Variants in RRAGB observed in about 807,000 individuals in gnomAD.
The protein encoded by RRAGB is ras-related GTP-binding protein B.
RRAGB carries 6 observed loss-of-function variants against 29.3 expected under a neutral mutation model. The observed-to-expected ratio is 0.21, with a 90% CI of 0.11 to 0.40. The LOEUF is 0.40. RRAGB is among the 10% of genes least tolerant of loss of function. The probability of loss-of-function intolerance (pLI) is 1.00; values close to 1 mark genes in which losing one functional copy is unlikely to be tolerated. For missense variants in RRAGB, 184 were observed against 272.9 expected (o/e 0.67, Z 2.29); for synonymous variants, 101 against 92.5 (o/e 1.09, Z -0.53).
chrX:55,754,331 A>G (rs1254935580), intron 7 of RRAGB, among the ~76,000 whole-genome samples: 3 of 112,938 alleles, frequency 2.7e-5, no homozygotes, highest in African/African-American at 9.6e-5. Context: ...ATTAGAGCCT[A>G]TTGTTTGTAT....
At chrX:55,740,729 C>T (rs1372494347) in intron 5 of RRAGB, among the ~76,000 whole-genome samples, 1 of 111,475 alleles carries the variant, frequency 9.0e-6, no homozygotes, top group African/African-American at 3.3e-5. Flanking sequence ...TGGCTGCAGG[C>T]GTTGCAGTTT....
At chrX:55,723,703 T>C (rs1403001424) in intron 3 of RRAGB, among the ~76,000 whole-genome samples, 1 of 110,479 alleles carries the variant, frequency 9.1e-6, no homozygotes, top group Non-Finnish European at 1.9e-5. Flanking sequence ...ACTACAGGTG[T>C]GTACCACCAC....
At chrX:55,719,550 A>G (rs2033184515) in intron 2 of RRAGB, among the ~76,000 whole-genome samples, 1 of 111,859 alleles carries the variant, frequency 8.9e-6, no homozygotes, top group Non-Finnish European at 1.9e-5. Flanking sequence ...ATACTTAAGA[A>G]CCTTTAGTAA....
rs912706975 is a variant in RRAGB, at chrX:55,718,261, AAAC to A, written c.-55_-53del. On this transcript the variant is annotated 5_prime_UTR_variant, in exon 1 of 10. Transcript: ENST00000374941. ...TTGAGGGGTGAAAAAGAAAACAAAC[AAAC>A]AACAACAACAAACCCTGAAGAGTAC... 4.9e-5 allele frequency: 43 copies of A among 879,782 alleles called. No homozygotes were observed. Among genetic ancestry groups the A allele is most frequent in the African/African-American group, 3.8e-4 (19 of 49,954 alleles). 72.5% of individuals were successfully genotyped at this position (879,782 alleles called of 1,213,427 possible).
intron 5 of RRAGB, among the ~76,000 whole-genome samples, 194 bp from the exon 6 acceptor site, chrX:55,750,907 G>T (rs756012716): frequency 8.9e-6 from 1 of 111,975 alleles, no homozygotes; most frequent in South Asian, 3.7e-4. Context: ...TAGGCCTGAA[G>T]AATTCTAACT....
At chrX:55,735,326 G>A (rs951729203) in intron 5 of RRAGB, among the ~76,000 whole-genome samples, 1 of 111,606 alleles carries the variant, frequency 9.0e-6, no homozygotes, top group Non-Finnish European at 1.9e-5. Flanking sequence ...ATAAATTTTG[G>A]GTTGTTATAT....
intron 5 of RRAGB, among the ~76,000 whole-genome samples, chrX:55,748,740 G>A (rs1311593325): frequency 1.8e-5 from 2 of 111,525 alleles, no homozygotes. Context: ...AGGGAGGTGG[G>A]GGTCAGCCCC....
At chrX:55,730,770 G>A (rs1406400492) in intron 4 of RRAGB, among the ~76,000 whole-genome samples, 1 of 111,466 alleles carries the variant, frequency 9.0e-6, no homozygotes, top group Non-Finnish European at 1.9e-5. Context: ...TGCTGTCTAG[G>A]GAAGTGAATG....
chrX:55,727,687 G>A (rs919333783), intron 3 of RRAGB, among the ~76,000 whole-genome samples: 3 of 112,000 alleles, frequency 2.7e-5, no homozygotes, highest in African/African-American at 9.7e-5. Context: ...TGCTGCTTGT[G>A]ATGTAGTTTA....
At chrX:55,748,459 CG>C (rs1325314155) in intron 5 of RRAGB, among the ~76,000 whole-genome samples, 6 of 106,895 alleles carry the variant, frequency 5.6e-5, no homozygotes, top group Non-Finnish European at 9.7e-5. Flanking sequence ...ATCTAGGAAG[CG>C]AGGAGAGTCT....
At chrX:55,730,593 C>T (rs1033419352) in intron 4 of RRAGB, among the ~76,000 whole-genome samples, 6 of 111,883 alleles carry the variant, frequency 5.4e-5, no homozygotes, top group African/African-American at 1.9e-4. Flanking sequence ...CAGCACTTAG[C>T]CTAACGAGCA....
chrX:55,732,416 AG>A (rs1569240678), intron 5 of RRAGB, among the ~76,000 whole-genome samples: 1 of 112,127 alleles, frequency 8.9e-6, no homozygotes, highest in Non-Finnish European at 1.9e-5. Flanking sequence ...TAAGGAAAGC[AG>A]TTTTAGGATA....
chrX:55,729,594 T>A (rs2033603155), intron 4 of RRAGB, among the ~76,000 whole-genome samples: 1 of 111,706 alleles, frequency 9.0e-6, no homozygotes, highest in African/African-American at 3.3e-5. Flanking sequence ...TAGGTATCTG[T>A]AGTTTGGGAT....
chrX:55,723,457 T>C (rs1198120132), intron 3 of RRAGB, among the ~76,000 whole-genome samples: 2 of 110,392 alleles, frequency 1.8e-5, no homozygotes, highest in Non-Finnish European at 3.8e-5. Context: ...CTTTTTTTTT[T>C]TTTCTGTTAG....
intron 6 of RRAGB, chrX:55,751,569 T>C (rs890888046): frequency 3.3e-5 from 4 of 119,462 alleles, no homozygotes; most frequent in Non-Finnish European, 6.7e-5. Flanking sequence ...TGATATAAGC[T>C]AGTCTGCCTA....
chrX:55,747,454 G>C (rs2034282106), intron 5 of RRAGB, among the ~76,000 whole-genome samples: 1 of 111,570 alleles, frequency 9.0e-6, no homozygotes, highest in Non-Finnish European at 1.9e-5. Context: ...TTTCAGGGCA[G>C]TCATAGAAAC....
intron 3 of RRAGB, among the ~76,000 whole-genome samples, chrX:55,726,267 C>A (rs1277520233): frequency 1.8e-5 from 2 of 111,780 alleles, no homozygotes; most frequent in Admixed American, 1.9e-4. Flanking sequence ...GTGTAAAAAG[C>A]CTCTTTTCTC....
intron 4 of RRAGB, 46 bp downstream of exon 4, chrX:55,729,406 C>G: frequency 1.2e-6 from 1 of 854,629 alleles, no homozygotes; most frequent in Non-Finnish European, 1.7e-6. Context: ...TGTCAGTAAT[C>G]GTGGCATCTA....
intron 5 of RRAGB, among the ~76,000 whole-genome samples, chrX:55,745,868 A>G (rs780085354): frequency 8.9e-6 from 1 of 112,102 alleles, no homozygotes; most frequent in African/African-American, 3.2e-5. Flanking sequence ...CTGGGCCTAC[A>G]TGAGACAGAC....
Sources: allele counts gnomAD v4.1 joint callset (sites outside exome capture counted in the v4.1 genomes callset), GRCh38; gene constraint gnomAD v4.1.1; transcripts MANE v1.5; gene names NCBI Gene and HGNC (gene_info 2026-07-23, HGNC 2026-07-21).